The following REEP1 variants were observed in gnomAD, a reference collection of about 807,000 sequenced individuals.
REEP1 encodes the protein receptor accessory protein 1.
In REEP1, 22 loss-of-function variants were observed where a neutral mutation model predicts 40.3. The observed-to-expected ratio is 0.55, with a 90% CI of 0.39 to 0.78. The LOEUF (loss-of-function observed/expected upper bound fraction) is 0.78, where lower values mean the gene tolerates loss of function less well. Among genes scored for constraint, REEP1 ranks in the 30% least tolerant of loss-of-function variants. REEP1 has a pLI of 0.00. For synonymous variants in REEP1, 116 were observed against 139.2 expected (o/e 0.83, Z 1.17); for missense variants, 280 against 361.1 (o/e 0.78, Z 1.82).
chr2:86,258,006 C>A (rs1438346450), intron 3 of REEP1, among the ~76,000 whole-genome samples: 1 of 152,186 alleles, frequency 6.6e-6, no homozygotes, highest in African/African-American at 2.4e-5. Flanking sequence ...TGGTTATGAT[C>A]TTTACCTACT....
At chr2:86,254,957 A>G (rs1676475487) in intron 3 of REEP1, 143 bp from the exon 4 acceptor site, 1 of 834,438 alleles carries the variant, frequency 1.2e-6, no homozygotes, top group African/African-American at 1.7e-5. Flanking sequence ...TCCTCCACCT[A>G]TGAAGGTGAG....
chr2:86,294,177 T>C (rs2104436867), intron 1 of REEP1, among the ~76,000 whole-genome samples: 1 of 152,300 alleles, frequency 6.6e-6, no homozygotes, highest in East Asian at 1.9e-4. Context: ...GGTGTGGAGT[T>C]ATAATTTTCA....
At chr2:86,255,264 A>G (rs1181053200) in intron 3 of REEP1, among the ~76,000 whole-genome samples, 1 of 121,264 alleles carries the variant, frequency 8.2e-6, no homozygotes, top group East Asian at 3.4e-4. Context: ...AGCAGGGAAG[A>G]GTTGACAAAA....
At chr2:86,246,860 C>T (rs937635552) in intron 5 of REEP1, among the ~76,000 whole-genome samples, 1 of 151,996 alleles carries the variant, frequency 6.6e-6, no homozygotes, top group Non-Finnish European at 1.5e-5. Flanking sequence ...CACCACCACG[C>T]CCGGCTAATT....
chr2:86,277,291 C>T (rs1409497474), intron 2 of REEP1, among the ~76,000 whole-genome samples: 1 of 152,104 alleles, frequency 6.6e-6, no homozygotes, highest in African/African-American at 2.4e-5. Context: ...CGTGGTGGCT[C>T]ACACCTGTAA....
At chr2:86,317,869 C>A (rs548690135) in intron 1 of REEP1, among the ~76,000 whole-genome samples, 4 of 152,084 alleles carry the variant, frequency 2.6e-5, no homozygotes, top group African/African-American at 9.7e-5. Context: ...CTGAATTATC[C>A]GCTTTTTTTC....
At chr2:86,310,947 T>C (rs6716825) in intron 1 of REEP1, among the ~76,000 whole-genome samples, 15,795 of 152,160 alleles carry the variant, frequency 0.1, 1,558 homozygotes, top group African/African-American at 0.26. Flanking sequence ...TGTCCAATAA[T>C]TGGTGCTAGC....
chr2:86,258,682 G>A (rs1398717781), intron 3 of REEP1, among the ~76,000 whole-genome samples: 2 of 152,166 alleles, frequency 1.3e-5, no homozygotes, highest in Admixed American at 1.3e-4. Context: ...CACAATCCCC[G>A]CCAAGTCTTC....
intron 5 of REEP1, among the ~76,000 whole-genome samples, chr2:86,234,565 A>T (rs1675202400): frequency 6.6e-6 from 1 of 152,208 alleles, no homozygotes; most frequent in Non-Finnish European, 1.5e-5. Context: ...AGCAAGATGC[A>T]CTAAAATATG....
chr2:86,257,994 G>A (rs535456339), intron 3 of REEP1, among the ~76,000 whole-genome samples: 23 of 152,270 alleles, frequency 1.5e-4, no homozygotes, highest in Non-Finnish European at 2.9e-4. Context: ...GGATATTTAC[G>A]ATGGTTATGA....
Position 86,216,008 on chromosome 2 carries a change from GT to G in REEP1, c.*1030del, listed in dbSNP as rs961796372. ...CATATCTGAAACAGCAGAGTTCTCA[GT>G]TTTTTGTGTGTTTGTTTTTGCTAAG... On this transcript the variant is annotated 3_prime_UTR_variant, in exon 9 of 9. Transcript: ENST00000538924. The G allele has an allele frequency of 6.6e-6, 1 of 152,160 alleles. No individual in the cohort carries two copies. The highest frequency in any genetic ancestry group is 2.4e-5 in the African/African-American group (1 of 41,436). 9.4% of individuals were successfully genotyped at this position (152,160 alleles called of 1,614,324 possible).
chr2:86,287,724 A>T (rs1442578383), intron 1 of REEP1, among the ~76,000 whole-genome samples: 1 of 152,206 alleles, frequency 6.6e-6, no homozygotes, highest in Non-Finnish European at 1.5e-5. Flanking sequence ...AAACTGTAAC[A>T]CACAGCAGAT....
At chr2:86,323,628 C>T (rs1261453657) in intron 1 of REEP1, among the ~76,000 whole-genome samples, 1 of 152,150 alleles carries the variant, frequency 6.6e-6, no homozygotes, top group African/African-American at 2.4e-5. Context: ...CTAAAACTGC[C>T]CCCCAACCCC....
chr2:86,222,571 T>C (rs1674486753), intron 7 of REEP1, among the ~76,000 whole-genome samples: 2 of 152,234 alleles, frequency 1.3e-5, no homozygotes, highest in African/African-American at 4.8e-5. Flanking sequence ...CACAGTGGAC[T>C]GAATCTCTTA....
intron 3 of REEP1, among the ~76,000 whole-genome samples, chr2:86,262,926 T>A (rs1574051366): frequency 1.3e-5 from 2 of 152,330 alleles, no homozygotes; most frequent in South Asian, 4.2e-4. Context: ...AATACAAAGA[T>A]CTAGCTTGTT....
At chr2:86,300,741 C>T (rs1325763241) in intron 1 of REEP1, among the ~76,000 whole-genome samples, 1 of 152,146 alleles carries the variant, frequency 6.6e-6, no homozygotes, top group African/African-American at 2.4e-5. Context: ...TTGGTTTTAT[C>T]TATCTTGGTT....
intron 1 of REEP1, among the ~76,000 whole-genome samples, chr2:86,283,883 T>C (rs564944969): frequency 6.6e-6 from 1 of 152,234 alleles, no homozygotes; most frequent in Non-Finnish European, 1.5e-5. Flanking sequence ...CCTCCAAGCC[T>C]GGCTTCTTGC....
intron 1 of REEP1, among the ~76,000 whole-genome samples, chr2:86,335,891 T>C (rs369027494): frequency 1.4e-4 from 19 of 137,448 alleles, no homozygotes; most frequent in African/African-American, 4.4e-4. Flanking sequence ...AGGGAGGTGC[T>C]AATAAAACTA....
chr2:86,275,267 G>C (rs2104365096), intron 2 of REEP1, among the ~76,000 whole-genome samples: 1 of 150,142 alleles, frequency 6.7e-6, no homozygotes, highest in South Asian at 2.1e-4. Flanking sequence ...GCAGGACTTT[G>C]AGCAGGGCAC....
Sources: allele counts gnomAD v4.1 joint callset (sites outside exome capture counted in the v4.1 genomes callset), GRCh38; gene constraint gnomAD v4.1.1; transcripts MANE v1.5; gene names NCBI Gene and HGNC (gene_info 2026-07-23, HGNC 2026-07-21).